GMIP: variants seen among roughly 807,000 people sequenced by gnomAD.
GMIP encodes GEM interacting protein.
GMIP carries 54 observed loss-of-function variants against 105.3 expected under a neutral mutation model. The ratio of observed to expected loss-of-function variants is 0.51; its 90% CI spans 0.41 to 0.64. The LOEUF (loss-of-function observed/expected upper bound fraction) is 0.64, where lower values mean the gene tolerates loss of function less well. Among genes scored for constraint, GMIP ranks in the 30% least tolerant of loss-of-function variants. The pLI, the probability that GMIP is intolerant of heterozygous loss-of-function variation, is 0.00. For synonymous variants in GMIP, 541 were observed against 560.8 expected (o/e 0.96, Z 0.50); for missense variants, 1,110 against 1,319.4 (o/e 0.84, Z 2.46).
Position 19,637,425 on chromosome 19 carries a change from T to G in GMIP, c.1064A>C (p.Glu355Ala). The G allele has an allele frequency of 1.3e-6, 2 of 1,493,202 alleles. No individual in the cohort carries two copies. The highest frequency in any genetic ancestry group is 1.8e-6 in the Non-Finnish European group (2 of 1,128,574). The allele number at this position is 1,493,202 out of a possible 1,614,324, so 92.5% of individuals were successfully genotyped here. ...YQEFVRALRP[E>A]APPPPPPAFS... ...GGCGGGCGGCGGGGGCGGCGGGGCC[T>G]CGGGCCGCAGCGCCCGTACAAACTC... Residue 355 changes from glutamate (E) to alanine (A), a missense_variant, in exon 11 of 21, where the codon GAG becomes GCG. Physicochemically the swap from Glu to Ala is moderately radical, Grantham distance 107 (BLOSUM62 -1). This residue lies in a region of GMIP where 667 missense variants were observed against 773.2 expected (regional missense o/e 0.86). Transcript: ENST00000203556. This position sits in a 1 kb window ranked among gnomAD's most constrained non-coding sequence, Gnocchi z 6.7.
At chr19:19,633,303 C>G (rs1039174283) in intron 19 of GMIP, among the ~76,000 whole-genome samples, 1 of 152,198 alleles carries the variant, frequency 6.6e-6, no homozygotes, top group African/African-American at 2.4e-5. Context: ...GGTGATTTGC[C>G]TGCCCCAGCA....
Position 19,637,644 on chromosome 19 carries a change from GACGCGAACGTGGTCAGGGTTTGGGACGC to G in GMIP, c.928-111_928-84del. The stretch of plus-strand genomic sequence containing the variant: ...GCCAGAGCTGGGGCGGGGCTTGAGA[GACGCGAACGTGGTCAGGGTTTGGGACGC>G]ACCTGGGCGGCTTAGGAACTAGGGC... On this transcript the variant is annotated intron_variant, in intron 10 of 20. Transcript: ENST00000203556. The surrounding 1 kb of genome is among the most constrained non-coding windows in gnomAD (Gnocchi z 6.7). The G allele has an allele frequency of 8.6e-7, 1 of 1,161,366 alleles. No individual in the cohort carries two copies. Among genetic ancestry groups the G allele is most frequent in the Non-Finnish European group, 1.2e-6 (1 of 854,902 alleles). The allele number at this position is 1,161,366 out of a possible 1,614,324, so 71.9% of individuals were successfully genotyped here. A position where few individuals can be genotyped will look rare whatever the true frequency, so the allele number is the denominator to read the frequency against.
chr19:19,634,890 G>A lies in GMIP; in HGVS notation c.1789C>T (p.Arg597Trp). The A allele has an allele frequency of 2.5e-6, 4 of 1,614,048 alleles. No homozygotes were observed. The highest frequency in any genetic ancestry group is 3.4e-6 in the Non-Finnish European group (4 of 1,180,042). ...CCATTCTCGAAAGCCTGGCACAGCC[G>A]CTCCACACGGACCCGGGACCCGCTG... ...RVSGSRVRVERLCQAFENGRA... is the reference protein window; with the variant it reads ...RVSGSRVRVEWLCQAFENGRA... Residue 597 changes from arginine to tryptophan, a missense_variant, in exon 17 of 21, where the codon CGG becomes TGG. Physicochemically the swap from Arg to Trp is moderately radical, Grantham distance 101 (BLOSUM62 -3). Transcript: ENST00000203556. The surrounding 1 kb of genome is among the most constrained non-coding windows in gnomAD (Gnocchi z 6.1).
Position 19,641,966 on chromosome 19 carries a change from C to G in GMIP, c.180+10G>C. The G allele has an allele frequency of 6.2e-7, 1 of 1,608,194 alleles. No homozygotes were observed. Among genetic ancestry groups the G allele is most frequent in the South Asian group, 1.1e-5 (1 of 90,962 alleles). On this transcript the variant is annotated intron_variant, in intron 3 of 20. Transcript: ENST00000203556. ...AGGTCTTCCTCCCTGTTCCCCTACT[C>G]CCCACTCACAACAGTGGCTGTAGGG...
intron 1 of GMIP, among the ~76,000 whole-genome samples, 165 bp from the exon 2 acceptor site, chr19:19,642,784 A>G (rs547011048): frequency 8.6e-5 from 13 of 151,980 alleles, no homozygotes; most frequent in African/African-American, 3.1e-4. Flanking sequence ...AGGCAGATGG[A>G]CTCACACACC....
chr19:19,638,208 C>T lies in GMIP; in HGVS notation c.740G>A (p.Ser247Asn). Residue 247 changes from serine (S) to asparagine (N), a missense_variant, in exon 9 of 21, where the codon AGC becomes AAC. Around this residue, in one of 3 missense-constraint regions of GMIP, gnomAD observed 667 missense variants for 773.2 expected, o/e 0.86. Coordinates refer to ENST00000203556, the MANE Select transcript of GMIP (RefSeq NM_016573.4). ...DSAPQASPGP[S>N]KQQERRRRSR... ...GCGCCGCCGCCGCTCCTGCTGCTTGCTAGGTCCCGGCGAGGCCTGGGGGGC... is the reference window on the plus strand; with the variant it reads ...GCGCCGCCGCCGCTCCTGCTGCTTGTTAGGTCCCGGCGAGGCCTGGGGGGC... The T allele has an allele frequency of 6.3e-7, 1 of 1,597,954 alleles. No homozygotes were observed. Among genetic ancestry groups the T allele is most frequent in the Non-Finnish European group, 8.5e-7 (1 of 1,178,264 alleles).
rs267605377 is a variant in GMIP, at chr19:19,629,978, G to C, written c.2898C>G (p.Ala966=). ...TCCPDVQPEE[A]EDHL is the part of the protein sequence containing the mutation. ...GCCAGGGTGGTCAGAGATGGTCCTCGGCTTCCTCAGGCTGGACGTCCGGGC... is the reference window on the plus strand; with the variant it reads ...GCCAGGGTGGTCAGAGATGGTCCTCCGCTTCCTCAGGCTGGACGTCCGGGC... Residue 966 remains alanine (A), a synonymous_variant, in exon 21 of 21, where the codon GCC becomes GCG. Transcript: ENST00000203556. 6.2e-7 allele frequency: 1 copy of C among 1,608,786 alleles called. No individual in the cohort carries two copies. Among genetic ancestry groups the C allele is most frequent in the Non-Finnish European group, 8.5e-7 (1 of 1,178,214 alleles).
Position 19,643,513 on chromosome 19 carries a change from G to GGCTCTGCTGCGTCCATA in GMIP, c.-1_16dup (p.Pro6LeufsTer36). The GGCTCTGCTGCGTCCATA allele has an allele frequency of 6.5e-7, 1 of 1,548,180 alleles. No homozygotes were observed. Among genetic ancestry groups the GGCTCTGCTGCGTCCATA allele is most frequent in the African/African-American group, 1.4e-5 (1 of 72,930 alleles). On this transcript the variant is annotated frameshift_variant, in exon 1 of 21. Coordinates refer to ENST00000203556, the MANE Select transcript of GMIP (RefSeq NM_016573.4). LOFTEE classifies it high-confidence loss of function. ...CTCCCGGATCCCCGACCCCCTACCC[G>GGCTCTGCTGCGTCCATA]GCTCTGCTGCGTCCATATCTGGGCC...
chr19:19,641,737 G>C (rs1208306446), intron 4 of GMIP, 73 bp downstream of exon 4: 2 of 1,061,630 alleles, frequency 1.9e-6, no homozygotes, highest in Non-Finnish European at 2.9e-6. Context: ...GCATGGAACA[G>C]GGGATCAGTG....
intron 7 of GMIP, among the ~76,000 whole-genome samples, chr19:19,639,640 G>C (rs1270801519): frequency 6.6e-6 from 1 of 152,160 alleles, no homozygotes; most frequent in Admixed American, 6.6e-5. Flanking sequence ...CCTGAGGTCA[G>C]GAGTTGGAGA....
chr19:19,633,704 T>C (rs901902029), intron 19 of GMIP, 99 bp downstream of exon 19: 7 of 877,022 alleles, frequency 8.0e-6, no homozygotes, highest in African/African-American at 5.1e-5. Flanking sequence ...AGGAAGAGAA[T>C]GAAGGAAATT....
chr19:19,637,518 C>A lies in GMIP; in HGVS notation c.971G>T (p.Arg324Leu). ...LFGLRGAQAE[R>L]GPRAFAALAE... ...CAGGGCGGCGAAGGCGCGGGGGCCA[C>A]GCTCTGCCTGCGCCCCCCGCAGCCC... is the stretch of plus-strand genomic sequence containing the variant. The change falls in exon 11 of 21, where the codon CGT (arginine) becomes CTT (leucine). Residue 324 changes from arginine to leucine, a missense_variant. Arg to Leu is a moderately radical substitution (Grantham distance 102, BLOSUM62 -2). This residue lies in a region of GMIP where 667 missense variants were observed against 773.2 expected (regional missense o/e 0.86). Coordinates refer to ENST00000203556, the MANE Select transcript of GMIP (RefSeq NM_016573.4). This position sits in a 1 kb window ranked among gnomAD's most constrained non-coding sequence, Gnocchi z 6.7. The A allele has an allele frequency of 6.5e-7, 1 of 1,537,380 alleles. No homozygotes were observed. The highest frequency in any genetic ancestry group is 8.7e-7 in the Non-Finnish European group (1 of 1,143,454).
Position 19,635,094 on chromosome 19 carries a change from G to A in GMIP, c.1680C>T (p.Phe560=), listed in dbSNP as rs749439675. 5 of 1,614,064 alleles carry A rather than the reference G, an allele frequency of 3.1e-6. No homozygotes were observed. The highest frequency in any genetic ancestry group is 1.7e-6 in the Non-Finnish European group (2 of 1,180,026). Residue 560 remains phenylalanine, a synonymous_variant, in exon 16 of 21, where the codon TTC becomes TTT. Coordinates refer to ENST00000203556, the MANE Select transcript of GMIP (RefSeq NM_016573.4). The surrounding 1 kb of genome is among the most constrained non-coding windows in gnomAD (Gnocchi z 4.7). ...TGACCACAAAGGGTACCTCCTCCGG[G>A]AAGTCCCTGGGTAGCTGCAGGAAGT... ...GVDFLQLPRD[F]PEEVPFVVTK...
rs1313807836 is a variant in GMIP, at chr19:19,643,579, C to T, written c.-50G>A. The T allele has an allele frequency of 4.0e-6, 6 of 1,495,536 alleles. No individual in the cohort carries two copies. The highest frequency in any genetic ancestry group is 2.7e-6 in the Non-Finnish European group (3 of 1,113,326). 92.6% of individuals were successfully genotyped at this position (1,495,536 alleles called of 1,614,324 possible). On this transcript the variant is annotated 5_prime_UTR_variant, in exon 1 of 21. Transcript: ENST00000203556. Reference sequence around the variant, plus strand: ...AGGGACCGGGATGGGGATGGGGTCGCGCGCCGGCGGGGCCGAGCCCCGATT... The same window carrying T: ...AGGGACCGGGATGGGGATGGGGTCGTGCGCCGGCGGGGCCGAGCCCCGATT...
intron 4 of GMIP, among the ~76,000 whole-genome samples, chr19:19,640,914 C>T (rs906993620): frequency 2.6e-5 from 4 of 151,480 alleles, no homozygotes; most frequent in Non-Finnish European, 4.4e-5. Flanking sequence ...TACAGGCATG[C>T]GCCACCATGC....
At chr19:19,643,123 C>T (rs747394567) in intron 1 of GMIP, 19 of 254,586 alleles carry the variant, frequency 7.5e-5, no homozygotes, top group African/African-American at 1.3e-4. Flanking sequence ...CCCCCCTGCC[C>T]CCTCTCCTAA....
intron 19 of GMIP, 55 bp downstream of exon 19, chr19:19,633,748 A>C: frequency 8.1e-7 from 1 of 1,239,278 alleles, no homozygotes; most frequent in African/African-American, 1.5e-5. Flanking sequence ...AGAAGGTAAG[A>C]GAATTGAACA....
At chr19:19,640,791 G>T (rs1351427478) in intron 4 of GMIP, among the ~76,000 whole-genome samples, 1 of 152,004 alleles carries the variant, frequency 6.6e-6, no homozygotes, top group Non-Finnish European at 1.5e-5. Context: ...TTGAGACTGT[G>T]TTTCGCTCTT....
In GMIP at chr19:19,630,182, G is replaced by A. The variant is rs144936310; in HGVS notation, c.2694C>T (p.Thr898=). 3.5e-5 allele frequency: 56 copies of A among 1,603,296 alleles called. 1 individual carries two copies. In the East Asian group the frequency reaches 4.5e-4, roughly 13 times the overall value. Residue 898 remains threonine, a synonymous_variant, in exon 21 of 21, where the codon ACC becomes ACT. Transcript: ENST00000203556. The surrounding 1 kb of genome is among the most constrained non-coding windows in gnomAD (Gnocchi z 4.8). ...TCCCTCTGGGCACTGATGTGATGGG[G>A]GTCTCCTCGCACAGCTTGGAAGCCA... ...ALVASKLCEE[T]PITSVPRGSL...
Sources: allele counts gnomAD v4.1 joint callset (sites outside exome capture counted in the v4.1 genomes callset), GRCh38; gene constraint gnomAD v4.1.1; regional missense constraint gnomAD v4.1.1; non-coding constraint Gnocchi (gnomAD v3.1); transcripts MANE v1.5; gene names NCBI Gene and HGNC (gene_info 2026-07-23, HGNC 2026-07-21).